MPPED2: variants seen among roughly 807,000 people sequenced by gnomAD.
The protein encoded by MPPED2 is metallophosphoesterase domain containing 2.
In MPPED2, 5 loss-of-function variants were observed where a neutral mutation model predicts 33.0. That is an observed-to-expected ratio of 0.15 (90% CI 0.08 to 0.32). MPPED2 has a LOEUF of 0.32. MPPED2 is among the 10% of genes least tolerant of loss of function. MPPED2 has a pLI of 1.00. For synonymous variants in MPPED2, 136 were observed against 141.9 expected (o/e 0.96, Z 0.29); for missense variants, 275 against 372.1 (o/e 0.74, Z 2.15).
intron 3 of MPPED2, among the ~76,000 whole-genome samples, chr11:30,512,565 C>A (rs1422732188): frequency 2.0e-5 from 3 of 152,338 alleles, no homozygotes; most frequent in African/African-American, 7.2e-5. Flanking sequence ...CACCACATTT[C>A]TAGCCCCTCA....
chr11:30,527,136 T>C (rs1313356184), intron 3 of MPPED2, among the ~76,000 whole-genome samples: 2 of 151,922 alleles, frequency 1.3e-5, no homozygotes, highest in Non-Finnish European at 1.5e-5. Context: ...TTCACCGTGT[T>C]AGCCAAGATG....
rs542556159 is a variant in MPPED2 at position 30,438,422 on chromosome 11, C to T, written c.537-20789G>A. Among the ~76,000 whole-genome samples, 3 of 152,294 alleles carry T rather than the reference C, an allele frequency of 2.0e-5. No homozygotes were observed. The East Asian group carries it at 5.8e-4, about 29-fold the overall frequency. Reference sequence around the variant, plus strand: ...AGAAGGTTTAAGTTAAATTACTGACCTAACGGTCAAACCAAAGTGGCTGAG... The same window carrying T: ...AGAAGGTTTAAGTTAAATTACTGACTTAACGGTCAAACCAAAGTGGCTGAG... On this transcript the variant is annotated intron_variant, in intron 4 of 6. Coordinates refer to ENST00000358117, the MANE Select transcript of MPPED2 (RefSeq NM_001584.3).
chr11:30,511,659 G>A (rs931589375), intron 3 of MPPED2, among the ~76,000 whole-genome samples: 3 of 152,130 alleles, frequency 2.0e-5, no homozygotes, highest in Non-Finnish European at 2.9e-5. Context: ...GAGATGTTTA[G>A]AACAGTATAG....
At chr11:30,440,023 G>GT (rs1949496164) in intron 4 of MPPED2, among the ~76,000 whole-genome samples, 1 of 151,590 alleles carries the variant, frequency 6.6e-6, no homozygotes, top group Non-Finnish European at 1.5e-5. Context: ...CTCTCTTGTT[G>GT]TTTTTATAAA....
chr11:30,545,451 A>G (rs1955361198), intron 2 of MPPED2, among the ~76,000 whole-genome samples: 1 of 152,144 alleles, frequency 6.6e-6, no homozygotes, highest in African/African-American at 2.4e-5. Flanking sequence ...GAACTACAAC[A>G]TCCTACACCG....
chr11:30,423,189 A>G (rs1367448911), intron 4 of MPPED2, among the ~76,000 whole-genome samples: 2 of 152,144 alleles, frequency 1.3e-5, no homozygotes, highest in East Asian at 3.9e-4. Flanking sequence ...TTACTCCCCC[A>G]CAAACTTCAG....
intron 2 of MPPED2, among the ~76,000 whole-genome samples, chr11:30,541,309 T>G (rs1475275076): frequency 6.6e-6 from 1 of 152,220 alleles, no homozygotes; most frequent in Non-Finnish European, 1.5e-5. Flanking sequence ...GCTTCCATTC[T>G]GATTCCTCTT....
chr11:30,469,551 T>A (rs944236190), intron 4 of MPPED2, among the ~76,000 whole-genome samples: 1 of 152,214 alleles, frequency 6.6e-6, no homozygotes, highest in Non-Finnish European at 1.5e-5. Flanking sequence ...ATTAAGTATA[T>A]TCTCCTATTA....
At chr11:30,449,456 C>A (rs904464590) in intron 4 of MPPED2, among the ~76,000 whole-genome samples, 2 of 151,954 alleles carry the variant, frequency 1.3e-5, no homozygotes. Flanking sequence ...AGACCAGAGA[C>A]CAGCTGAGAC....
rs763860287 is a variant in MPPED2 at position 30,495,479 on chromosome 11, T to A, written c.353A>T (p.His118Leu). ...GAATTCCTTATCAAATGTCAGTTCATGATTCCCAGCAATCACTATTTTATA... is the reference window on the plus strand; with the variant it reads ...GAATTCCTTATCAAATGTCAGTTCAAGATTCCCAGCAATCACTATTTTATA... ...YEYKIVIAGN[H>L]ELTFDKEFMA... The change falls in exon 4 of 7, where the codon CAT becomes CTT. Residue 118 changes from histidine to leucine, a missense_variant. By Grantham distance (99) the His-to-Leu change is moderately conservative (BLOSUM62 -3). Transcript: ENST00000358117. The A allele has an allele frequency of 6.2e-7, 1 of 1,614,188 alleles. No homozygotes were observed. Among genetic ancestry groups the A allele is most frequent in the Non-Finnish European group, 8.5e-7 (1 of 1,180,010 alleles).
chr11:30,489,725 A>T (rs1951889873), intron 4 of MPPED2, among the ~76,000 whole-genome samples: 1 of 152,316 alleles, frequency 6.6e-6, no homozygotes, highest in African/African-American at 2.4e-5. Context: ...CTAGAGATCA[A>T]ATTCCTGGAC....
At chr11:30,440,840 G>A (rs1449383010) in intron 4 of MPPED2, among the ~76,000 whole-genome samples, 2 of 152,208 alleles carry the variant, frequency 1.3e-5, no homozygotes, top group African/African-American at 2.4e-5. Context: ...AATGATGCAT[G>A]CAGAGGACGC....
At chr11:30,400,689 A>G (rs1415729403) in intron 6 of MPPED2, among the ~76,000 whole-genome samples, 2 of 152,158 alleles carry the variant, frequency 1.3e-5, no homozygotes, top group African/African-American at 4.8e-5. Context: ...GCTTATAGAC[A>G]TGTACTCCAA....
At chr11:30,446,810 C>T (rs529458793) in intron 4 of MPPED2, among the ~76,000 whole-genome samples, 6 of 152,174 alleles carry the variant, frequency 3.9e-5, no homozygotes, top group Non-Finnish European at 8.8e-5. Flanking sequence ...CGGAGCCCCC[C>T]CCGACGCCAA....
At chr11:30,412,169 G>C (rs1378815473) in intron 6 of MPPED2, among the ~76,000 whole-genome samples, 1 of 150,592 alleles carries the variant, frequency 6.6e-6, no homozygotes, top group Admixed American at 6.6e-5. Context: ...TCATTCAAAA[G>C]TGTCAGCTAA....
chr11:30,581,628 G>T (rs1345843525), intron 1 of MPPED2, among the ~76,000 whole-genome samples: 2 of 152,212 alleles, frequency 1.3e-5, no homozygotes, highest in African/African-American at 4.8e-5. Context: ...AATAAGATGA[G>T]ATTTAAAATT....
chr11:30,516,807 T>C (rs1331028614), intron 3 of MPPED2, among the ~76,000 whole-genome samples: 1 of 152,120 alleles, frequency 6.6e-6, no homozygotes, highest in East Asian at 1.9e-4. Context: ...AAGAAATTCA[T>C]TTTGTGTTAA....
At chr11:30,575,032 A>C (rs972991601) in intron 2 of MPPED2, among the ~76,000 whole-genome samples, 1 of 152,226 alleles carries the variant, frequency 6.6e-6, no homozygotes, top group Non-Finnish European at 1.5e-5. Context: ...CATATCTAAT[A>C]CAGAACTAAA....
Position 30,498,386 on chromosome 11 carries a change from A to T in MPPED2, c.311-2865T>A, listed in dbSNP as rs372789808. ...GATCACCTGAGGTCAGGAGTTTGAG[A>T]CCAGCCTGGCCAATGTGATAAAACC... On this transcript the variant is annotated intron_variant, in intron 3 of 6. Transcript: ENST00000358117. 1.2e-3 allele frequency among the ~76,000 whole-genome samples: 179 copies of T among 152,188 alleles called. 1 individual carries two copies. Among genetic ancestry groups the T allele is most frequent in the African/African-American group, 4.0e-3 (164 of 41,516 alleles).
Sources: allele counts gnomAD v4.1 joint callset (sites outside exome capture counted in the v4.1 genomes callset), GRCh38; gene constraint gnomAD v4.1.1; transcripts MANE v1.5; gene names NCBI Gene and HGNC (gene_info 2026-07-23, HGNC 2026-07-21).